The following FBF1 variants were observed in gnomAD, a reference collection of about 807,000 sequenced individuals.
FBF1 encodes Fas binding factor 1.
Under a neutral mutation model 147.2 loss-of-function variants are expected in FBF1, and 119 were observed. The ratio of observed to expected loss-of-function variants is 0.81; its 90% CI spans 0.70 to 0.94. The LOEUF is 0.94. Ranked by LOEUF, FBF1 falls within the 40% of genes least tolerant of loss-of-function variation. FBF1 has a pLI of 0.00. For missense variants in FBF1, 1,449 were observed against 1,500.8 expected, an observed-to-expected ratio of 0.97 and a Z score of 0.57; for synonymous variants, 601 against 609.0, an observed-to-expected ratio of 0.99 and a Z score of 0.19.
intron 17 of FBF1, 89 bp from the exon 18 acceptor site, chr17:75,920,518 A>AC: frequency 7.4e-7 from 1 of 1,354,890 alleles, no homozygotes; most frequent in Non-Finnish European, 1.0e-6. Flanking sequence ...TGCTCACTGG[A>AC]CCTCCCTGCA....
intron 3 of FBF1, among the ~76,000 whole-genome samples, chr17:75,937,263 T>C (rs2065630695): frequency 6.6e-6 from 1 of 150,638 alleles, no homozygotes; most frequent in South Asian, 2.1e-4. Flanking sequence ...CTCCGCCTCC[T>C]GTGTTCACAC....
Position 75,912,296 on chromosome 17 carries a change from G to C in FBF1, c.3259C>G (p.Pro1087Ala). ...CTGCACCAACGGGTGGTGGGAGCAGGAGGCATGAGGGCTGAAAAGGCCAAG... is the reference window on the plus strand; with the variant it reads ...CTGCACCAACGGGTGGTGGGAGCAGCAGGCATGAGGGCTGAAAAGGCCAAG... ...AASSQSALMPPAPTTRWCSQP... is the reference protein window; with the variant it reads ...AASSQSALMPAAPTTRWCSQP... Residue 1087 changes from proline to alanine, a missense_variant, in exon 29 of 30, where the codon CCT becomes GCT. Physicochemically the swap from Pro to Ala is conservative, Grantham distance 27. Coordinates refer to ENST00000636174, the MANE Select transcript of FBF1 (RefSeq NM_001319193.2). The C allele has an allele frequency of 1.3e-6, 2 of 1,597,824 alleles. No homozygotes were observed. Among genetic ancestry groups the C allele is most frequent in the Non-Finnish European group, 1.7e-6 (2 of 1,172,480 alleles).
intron 1 of FBF1, among the ~76,000 whole-genome samples, chr17:75,939,208 C>T (rs1388368943): frequency 6.7e-6 from 1 of 148,214 alleles, no homozygotes; most frequent in Non-Finnish European, 1.5e-5. Flanking sequence ...AGGCAGGAGA[C>T]TAGGTTGAAC....
chr17:75,922,444 G>A lies in FBF1; in HGVS notation c.1425-398C>T, dbSNP rs773625450. On this transcript the variant is annotated intron_variant, in intron 14 of 29. Transcript: ENST00000636174. The surrounding 1 kb of genome is among the most constrained non-coding windows in gnomAD (Gnocchi z 5.0). ...TTCCCATTATTTCCACCTCTTTCTC[G>A]GCTCACGGGTCAGTGAAGAGACAGG... is the stretch of plus-strand genomic sequence containing the variant. 1.5e-4 allele frequency among the ~76,000 whole-genome samples: 23 copies of A among 152,138 alleles called. No individual in the cohort carries two copies. Among genetic ancestry groups the A allele is most frequent in the Admixed American group, 3.3e-4 (5 of 15,284 alleles).
chr17:75,913,120 A>G lies in FBF1; in HGVS notation c.3247+582T>C, dbSNP rs188614728. Among the ~76,000 whole-genome samples, 497 of 150,084 alleles carry G rather than the reference A, an allele frequency of 3.3e-3. 1 individual carries two copies. Among genetic ancestry groups the G allele is most frequent in the African/African-American group, 0.011 (465 of 40,818 alleles). On this transcript the variant is annotated intron_variant, in intron 28 of 29. Transcript: ENST00000636174. ...AAAAGTGAAAAGTGGTTCTCTCAAG[A>G]CTCAGGAGTGGCGTTGAGGGTGACT...
At chr17:75,935,274 C>T (rs1396959457) in intron 4 of FBF1, among the ~76,000 whole-genome samples, 1 of 151,738 alleles carries the variant, frequency 6.6e-6, no homozygotes, top group Non-Finnish European at 1.5e-5. Flanking sequence ...AAGTGATTCT[C>T]CTGCCTCAGC....
rs748446847 is a variant in FBF1, at chr17:75,922,359, T to A, written c.1425-313A>T. On this transcript the variant is annotated intron_variant, in intron 14 of 29. Coordinates refer to ENST00000636174, the MANE Select transcript of FBF1 (RefSeq NM_001319193.2). The surrounding 1 kb of genome is among the most constrained non-coding windows in gnomAD (Gnocchi z 5.0). ...GTTCAGAGCCCTGTTCCAGTCCACT[T>A]AACTTGGCTCAGCTCTAGATTAGGA... Among the ~76,000 whole-genome samples, 10 of 152,204 alleles carry A rather than the reference T, an allele frequency of 6.6e-5. No homozygotes were observed. Among genetic ancestry groups the A allele is most frequent in the Non-Finnish European group, 1.3e-4 (9 of 68,034 alleles).
At chr17:75,937,328 G>A (rs1354555371) in intron 3 of FBF1, among the ~76,000 whole-genome samples, 1 of 152,004 alleles carries the variant, frequency 6.6e-6, no homozygotes, top group Non-Finnish European at 1.5e-5. Context: ...CCGCCACCAC[G>A]CCCGGCTAAT....
intron 9 of FBF1, among the ~76,000 whole-genome samples, 195 bp from the exon 10 acceptor site, chr17:75,927,072 T>G (rs908966918): frequency 6.6e-6 from 1 of 151,868 alleles, no homozygotes; most frequent in Middle Eastern, 3.4e-3. Context: ...AGAGAGGGAG[T>G]TGGAGGGCGG....
rs188393588 is a variant in FBF1 at position 75,914,517 on chromosome 17, T to A, written c.2815-219A>T. On this transcript the variant is annotated intron_variant, in intron 25 of 29. Transcript: ENST00000636174. ...CAACTCTGAAGTTCGGTTTCCTCAT[T>A]TCTAAATGACCAAAGTCATGGGAAC... 3.9e-5 allele frequency: 34 copies of A among 872,588 alleles called. No homozygotes were observed. The Admixed American group carries it at 7.8e-4, about 20-fold the overall frequency. The allele number at this position is 872,588 out of a possible 1,614,324, so 54.1% of individuals were successfully genotyped here. A position where few individuals can be genotyped will look rare whatever the true frequency, so the allele number is the denominator to read the frequency against.
chr17:75,909,696 G>A lies in FBF1; in HGVS notation c.*1027C>T. The A allele has an allele frequency of 1.7e-6, 1 of 580,778 alleles. No homozygotes were observed. The highest frequency in any genetic ancestry group is 3.1e-6 in the Non-Finnish European group (1 of 325,102). 36.0% of individuals were successfully genotyped at this position (580,778 alleles called of 1,614,324 possible). A position where few individuals can be genotyped will look rare whatever the true frequency, so the allele number is the denominator to read the frequency against. On this transcript the variant is annotated 3_prime_UTR_variant, in exon 30 of 30. Coordinates refer to ENST00000636174, the MANE Select transcript of FBF1 (RefSeq NM_001319193.2). ...CCAGGTGCCACCGCAGACCGCAGGT[G>A]CTGGAGGGGAGAGGCACGTGGCCAG...
rs185431086 is a variant in FBF1, at chr17:75,940,584, T to C, written c.-84+264A>G. ...TTTCTTTTTCTCTGCAATGGCGACT[T>C]CACGACCTACAAGTCCAAATGTGTC... On this transcript the variant is annotated intron_variant, in intron 1 of 29. Coordinates refer to ENST00000636174, the MANE Select transcript of FBF1 (RefSeq NM_001319193.2). The C allele has an allele frequency of 2.1e-3, 317 of 153,470 alleles. 1 individual carries two copies. Among genetic ancestry groups the C allele is most frequent in the Non-Finnish European group, 2.2e-3 (150 of 68,142 alleles). 9.5% of individuals were successfully genotyped at this position (153,470 alleles called of 1,614,324 possible).
At chr17:75,926,476 G>A in intron 10 of FBF1, 50 bp from the exon 11 acceptor site, 1 of 1,497,032 alleles carries the variant, frequency 6.7e-7, no homozygotes, top group Non-Finnish European at 8.9e-7. Flanking sequence ...GCCCTCAACT[G>A]TGATATCTGA....
Position 75,914,171 on chromosome 17 carries a change from G to A in FBF1, c.2942C>T (p.Thr981Ile). 3 of 1,599,094 alleles carry A rather than the reference G, an allele frequency of 1.9e-6. No individual in the cohort carries two copies. The highest frequency in any genetic ancestry group is 2.6e-6 in the Non-Finnish European group (3 of 1,175,370). Residue 981 changes from threonine to isoleucine, a missense_variant, in exon 26 of 30, where the codon ACC becomes ATC. Thr to Ile is a moderately conservative substitution (Grantham distance 89). Coordinates refer to ENST00000636174, the MANE Select transcript of FBF1 (RefSeq NM_001319193.2). ...LRLEKERINATALRVKLRAEE... is the reference protein window; with the variant it reads ...LRLEKERINAIALRVKLRAEE... ...GGCGCGGAGCTTGACACGCAGGGCG[G>A]TGGCGTTGATCCTCTCCTTCTCCAG...
At position 75,919,789 on chromosome 17, in the gene FBF1, G is replaced by C; in HGVS notation, c.2017C>G (p.Leu673Val). 1 of 1,613,780 alleles carries C rather than the reference G, an allele frequency of 6.2e-7. No individual in the cohort carries two copies. ...TGTTCGGCCTCCTGGCACTGCGACA[G>C]ATACCGAGCTGACAGCTCTTCGTTC... ...RENEELSARYLSQCQEAEQAR... is the reference protein window; with the variant it reads ...RENEELSARYVSQCQEAEQAR... The change falls in exon 20 of 30, where the codon CTG becomes GTG. Residue 673 changes from leucine to valine, a missense_variant. By Grantham distance (32) the Leu-to-Val change is conservative. Transcript: ENST00000636174. This position sits in a 1 kb window ranked among gnomAD's most constrained non-coding sequence, Gnocchi z 5.0.
At position 75,940,409 on chromosome 17, in the gene FBF1, T is replaced by C. The variant is rs2065655766; in HGVS notation, c.-84+439A>G. Among the ~76,000 whole-genome samples, 6 of 152,174 alleles carry C rather than the reference T, an allele frequency of 3.9e-5. No individual in the cohort carries two copies. The South Asian group carries it at 1.2e-3, about 32-fold the overall frequency. ...CTGGGACCACAGGCACACGCCACCATGTGCGGCAAATTTTAAAATTTTTTT... is the reference window on the plus strand; with the variant it reads ...CTGGGACCACAGGCACACGCCACCACGTGCGGCAAATTTTAAAATTTTTTT... On this transcript the variant is annotated intron_variant, in intron 1 of 29. Coordinates refer to ENST00000636174, the MANE Select transcript of FBF1 (RefSeq NM_001319193.2).
chr17:75,927,367 G>A (rs1330363994), intron 9 of FBF1, 88 bp downstream of exon 9: 1 of 1,103,050 alleles, frequency 9.1e-7, no homozygotes, highest in Non-Finnish European at 1.3e-6. Context: ...GACATAGGCA[G>A]CAGCTGGGCC....
intron 23 of FBF1, 138 bp from the exon 24 acceptor site, chr17:75,915,277 A>C: frequency 1.5e-6 from 2 of 1,339,648 alleles, no homozygotes; most frequent in Non-Finnish European, 2.0e-6. Flanking sequence ...GAGGCACAAA[A>C]TGAGGGGTGC....
chr17:75,926,494 T>TG, intron 10 of FBF1, 68 bp from the exon 11 acceptor site: 1 of 1,474,658 alleles, frequency 6.8e-7, no homozygotes, highest in Non-Finnish European at 9.0e-7. Flanking sequence ...TGAATGGGGT[T>TG]GGGGGTGGTT....
Sources: gnomAD v4.1 joint callset for allele counts (sites outside exome capture counted in the v4.1 genomes callset) on GRCh38, gnomAD v4.1.1 for gene constraint, Gnocchi (gnomAD v3.1) non-coding constraint, MANE v1.5 for transcripts, NCBI Gene and HGNC (gene_info 2026-07-23, HGNC 2026-07-21) for gene names.